The following GAS2 variants were observed in gnomAD, a reference collection of about 807,000 sequenced individuals.
GAS2 encodes growth arrest specific 2.
GAS2 carries 20 observed loss-of-function variants against 37.5 expected under a neutral mutation model. That is an observed-to-expected ratio of 0.53 (90% confidence interval 0.37 to 0.77). GAS2 has a LOEUF of 0.77. Ranked by LOEUF, GAS2 falls within the 30% of genes least tolerant of loss-of-function variation. The pLI is 0.00. For missense variants in GAS2, 336 were observed against 373.4 expected (o/e 0.90, Z 0.82); for synonymous variants, 144 against 132.2 (o/e 1.09, Z -0.61).
intron 6 of GAS2, among the ~76,000 whole-genome samples, chr11:22,752,923 T>C (rs1853824931): frequency 6.6e-6 from 1 of 152,058 alleles, no homozygotes; most frequent in Admixed American, 6.6e-5. Context: ...CACAGTGGTT[T>C]CCATTCAGAT....
intron 7 of GAS2, among the ~76,000 whole-genome samples, chr11:22,757,222 C>G (rs114832498): frequency 1.4e-4 from 22 of 152,124 alleles, no homozygotes; most frequent in African/African-American, 5.3e-4. Flanking sequence ...TGTTTATTTG[C>G]ATCTGTGATT....
chr11:22,768,569 T>A (rs1018453388), intron 7 of GAS2, among the ~76,000 whole-genome samples: 19 of 152,226 alleles, frequency 1.2e-4, no homozygotes, highest in Non-Finnish European at 2.2e-4. Context: ...AGGCAAGTTT[T>A]ATGGGACCAC....
intron 1 of GAS2, among the ~76,000 whole-genome samples, chr11:22,658,601 A>G (rs936220459): frequency 9.2e-5 from 14 of 152,212 alleles, no homozygotes; most frequent in African/African-American, 3.4e-4. Flanking sequence ...CTCACACCAC[A>G]TATCCATCTA....
chr11:22,743,588 C>G (rs182774124), intron 5 of GAS2, among the ~76,000 whole-genome samples: 4 of 152,170 alleles, frequency 2.6e-5, no homozygotes, highest in African/African-American at 9.6e-5. Context: ...GTAGCAGTTG[C>G]TTTTCTAAGA....
intron 1 of GAS2, among the ~76,000 whole-genome samples, chr11:22,659,872 TGGAGGGAGGAAGGAAGGAAG>T (rs1432542975): frequency 5.1e-5 from 5 of 97,990 alleles, no homozygotes; most frequent in Non-Finnish European, 9.6e-5. Flanking sequence ...AAGGAAAAAA[TGGAGGGAGGAAGGAAGGAAG>T]GGAGGGAGGA....
intron 7 of GAS2, among the ~76,000 whole-genome samples, chr11:22,790,569 C>T (rs1856099545): frequency 6.6e-6 from 1 of 150,658 alleles, no homozygotes; most frequent in South Asian, 2.1e-4. Context: ...TGAAAGTATC[C>T]TCAATGTTTT....
intron 4 of GAS2, among the ~76,000 whole-genome samples, chr11:22,726,809 A>G (rs896980482): frequency 1.3e-5 from 2 of 152,092 alleles, no homozygotes; most frequent in Non-Finnish European, 2.9e-5. Context: ...TGTTCTAGCC[A>G]TAGAGAGCAC....
chr11:22,692,476 G>A (rs1385754931), intron 3 of GAS2, among the ~76,000 whole-genome samples: 1 of 152,092 alleles, frequency 6.6e-6, no homozygotes, highest in Non-Finnish European at 1.5e-5. Context: ...GAAGTACATT[G>A]GTTTGGTCTG....
chr11:22,731,283 T>C (rs1335374740), intron 4 of GAS2: 1 of 415,906 alleles, frequency 2.4e-6, no homozygotes, highest in Non-Finnish European at 4.8e-6. Context: ...ACACTTTTTT[T>C]GCTTGCTATA....
intron 1 of GAS2, among the ~76,000 whole-genome samples, chr11:22,631,214 T>C (rs1013584956): frequency 1.3e-5 from 2 of 152,204 alleles, no homozygotes; most frequent in East Asian, 3.9e-4. Context: ...ATTTATCAAA[T>C]CTAGGAGTCT....
intron 7 of GAS2, among the ~76,000 whole-genome samples, chr11:22,785,801 A>G (rs1384448917): frequency 3.3e-5 from 5 of 152,152 alleles, no homozygotes; most frequent in African/African-American, 1.2e-4. Context: ...ATAAGGGAGT[A>G]TAGGACAAAA....
intron 3 of GAS2, among the ~76,000 whole-genome samples, chr11:22,709,414 A>G (rs921151432): frequency 2.6e-5 from 4 of 152,160 alleles, no homozygotes; most frequent in Non-Finnish European, 5.9e-5. Context: ...AAATTAAATT[A>G]ATTGAAGATA....
chr11:22,793,495 AAG>A (rs1471773752), intron 7 of GAS2, among the ~76,000 whole-genome samples: 1 of 152,190 alleles, frequency 6.6e-6, no homozygotes, highest in Non-Finnish European at 1.5e-5. Context: ...GAGAAAGAAG[AAG>A]ACTTTGTGCC....
chr11:22,665,080 G>A (rs1311009202), upstream of GAS2, among the ~76,000 whole-genome samples: 1 of 151,790 alleles, frequency 6.6e-6, no homozygotes, highest in East Asian at 1.9e-4. Flanking sequence ...CAATTCCTCT[G>A]TAAGCCTCCT....
intron 3 of GAS2, among the ~76,000 whole-genome samples, chr11:22,723,348 A>G (rs1852036667): frequency 6.6e-6 from 1 of 151,986 alleles, no homozygotes; most frequent in African/African-American, 2.4e-5. Flanking sequence ...AATTTTAAGT[A>G]AATTCTGAGA....
intron 7 of GAS2, among the ~76,000 whole-genome samples, chr11:22,777,339 G>A (rs773902912): frequency 1.6e-4 from 25 of 152,232 alleles, no homozygotes; most frequent in East Asian, 3.9e-4. Flanking sequence ...AGACCTCAAC[G>A]ATCAGTTTAA....
At chr11:22,682,923 A>G (rs1003516359) in intron 2 of GAS2, among the ~76,000 whole-genome samples, 1 of 150,030 alleles carries the variant, frequency 6.7e-6, no homozygotes, top group African/African-American at 2.4e-5. Context: ...GCAGGCCAAT[A>G]TGATGAATAC....
chr11:22,651,965 A>G (rs1848782067), intron 1 of GAS2, among the ~76,000 whole-genome samples: 1 of 152,100 alleles, frequency 6.6e-6, no homozygotes, highest in Non-Finnish European at 1.5e-5. Context: ...CTGGTGAGGA[A>G]CTGTGTTCCT....
chr11:22,629,512 G>T (rs952794408), intron 1 of GAS2, among the ~76,000 whole-genome samples: 2 of 152,176 alleles, frequency 1.3e-5, no homozygotes, highest in Non-Finnish European at 2.9e-5. Context: ...GCTGGGGTAA[G>T]GTGGTATCCC....
Sources: gnomAD v4.1 joint callset for allele counts (sites outside exome capture counted in the v4.1 genomes callset) on GRCh38, gnomAD v4.1.1 for gene constraint, MANE v1.5 for transcripts, NCBI Gene and HGNC (gene_info 2026-07-23, HGNC 2026-07-21) for gene names.